The following ABCA13 variants were observed in gnomAD, a reference collection of about 807,000 sequenced individuals.
ABCA13 encodes ATP binding cassette subfamily A member 13.
Under a neutral mutation model 478.7 loss-of-function variants are expected in ABCA13, and 476 were observed. The observed-to-expected ratio is 0.99, with a 90% CI of 0.92 to 1.07. The LOEUF (loss-of-function observed/expected upper bound fraction) is 1.07, where lower values mean the gene tolerates loss of function less well. Among genes scored for constraint, ABCA13 ranks in the 50% least tolerant of loss-of-function variants. The pLI is 0.00. For missense variants in ABCA13, 6,060 were observed against 5,910.6 expected (o/e 1.03, Z -0.83); for synonymous variants, 2,252 against 2,158.9 (o/e 1.04, Z -1.20).
At chr7:48,368,670 T>A (rs1812090195) in intron 32 of ABCA13, among the ~76,000 whole-genome samples, 1 of 121,904 alleles carries the variant, frequency 8.2e-6, no homozygotes, top group African/African-American at 3.1e-5. Context: ...TATCCCATGG[T>A]GTGTGTGTGT....
intron 48 of ABCA13, among the ~76,000 whole-genome samples, chr7:48,489,547 A>G (rs1321115680): frequency 2.6e-5 from 4 of 152,138 alleles, no homozygotes; most frequent in African/African-American, 9.7e-5. Context: ...TATTTTCTTG[A>G]ACCTGTAACC....
At chr7:48,432,631 A>C (rs897720052) in intron 42 of ABCA13, among the ~76,000 whole-genome samples, 1 of 152,192 alleles carries the variant, frequency 6.6e-6, no homozygotes, top group Non-Finnish European at 1.5e-5. Flanking sequence ...GTAGAATACT[A>C]TTCAGTCTTA....
chr7:48,483,928 TG>T (rs1829037243), intron 47 of ABCA13, among the ~76,000 whole-genome samples: 1 of 151,960 alleles, frequency 6.6e-6, no homozygotes, highest in Non-Finnish European at 1.5e-5. Flanking sequence ...GGAGAGTGAG[TG>T]TGAGTTCTTA....
rs141067757 is a variant in ABCA13 at position 48,273,744 on chromosome 7, G to A, written c.4078G>A (p.Asp1360Asn). Reference protein sequence around the residue: ...FQNVTECILEDGFLYVNTSQR... With the variant: ...FQNVTECILENGFLYVNTSQR... ...AAATGTTACTGAGTGTATTTTAGAA[G>A]ATGGCTTTTTATATGTAAATACCTC... Residue 1360 changes from aspartate to asparagine, a missense_variant, in exon 17 of 62, where the codon GAT (aspartate) becomes AAT (asparagine). Around this residue, in one of 3 missense-constraint regions of ABCA13, gnomAD observed 4,423 missense variants for 4,309.1 expected, o/e 1.03. Transcript: ENST00000435803. The A allele has an allele frequency of 1.5e-3, 2,337 of 1,610,400 alleles. 1 individual carries two copies. Among genetic ancestry groups the A allele is most frequent in the Non-Finnish European group, 1.8e-3 (2,080 of 1,178,096 alleles).
intron 48 of ABCA13, among the ~76,000 whole-genome samples, chr7:48,497,622 C>A (rs1830387495): frequency 6.6e-6 from 1 of 152,126 alleles, no homozygotes; most frequent in South Asian, 2.1e-4. Context: ...ATGACACCAC[C>A]CTGGCTAGGC....
At chr7:48,277,577 A>G (rs1421863088) in intron 17 of ABCA13, among the ~76,000 whole-genome samples, 1 of 152,230 alleles carries the variant, frequency 6.6e-6, no homozygotes, top group East Asian at 1.9e-4. Context: ...CATCTATCCT[A>G]GAACTCTCAT....
chr7:48,193,618 G>GTGA (rs1381218142), intron 2 of ABCA13, among the ~76,000 whole-genome samples: 1 of 149,634 alleles, frequency 6.7e-6, no homozygotes, highest in East Asian at 2.1e-4. Flanking sequence ...GATGATGATA[G>GTGA]TGATGATGAT....
chr7:48,293,564 GTATT>G (rs764825496), intron 20 of ABCA13, among the ~76,000 whole-genome samples: 10 of 152,120 alleles, frequency 6.6e-5, no homozygotes, highest in African/African-American at 2.4e-4. Flanking sequence ...GTAAAATAAA[GTATT>G]TATGGTAGAA....
intron 47 of ABCA13, among the ~76,000 whole-genome samples, chr7:48,485,175 T>C (rs1203039336): frequency 5.3e-5 from 8 of 152,230 alleles, no homozygotes. Context: ...CTTTCGTTTT[T>C]TTCATAGTTC....
At chr7:48,465,711 C>T (rs1333102002) in intron 43 of ABCA13, among the ~76,000 whole-genome samples, 2 of 152,038 alleles carry the variant, frequency 1.3e-5, no homozygotes, top group Non-Finnish European at 2.9e-5. Context: ...TTCAAATCTT[C>T]TAGCTGTTTT....
intron 26 of ABCA13, among the ~76,000 whole-genome samples, chr7:48,314,789 C>A (rs2128892260): frequency 1.3e-5 from 2 of 152,258 alleles, no homozygotes; most frequent in South Asian, 4.2e-4. Context: ...TCTGTGGCCA[C>A]CTCCAAATTT....
intron 35 of ABCA13, among the ~76,000 whole-genome samples, chr7:48,378,903 A>G (rs913817880): frequency 2.0e-5 from 3 of 152,218 alleles, no homozygotes; most frequent in African/African-American, 7.2e-5. Context: ...AAAGGGAAGC[A>G]AATGCAGTAG....
At chr7:48,201,338 C>T (rs1798677864) in intron 3 of ABCA13, among the ~76,000 whole-genome samples, 1 of 152,186 alleles carries the variant, frequency 6.6e-6, no homozygotes, top group African/African-American at 2.4e-5. Flanking sequence ...TGTTATCTCC[C>T]TGAGCAACCT....
chr7:48,330,061 CCATCCATCCATCCATT>C (rs1440293248), intron 27 of ABCA13, among the ~76,000 whole-genome samples: 4 of 151,238 alleles, frequency 2.6e-5, no homozygotes, highest in African/African-American at 4.9e-5. Context: ...ATCCATCCAT[CCATCCATCCATCCATT>C]CATCCATCCA....
chr7:48,507,099 C>T (rs1831282134), intron 49 of ABCA13, among the ~76,000 whole-genome samples: 1 of 152,198 alleles, frequency 6.6e-6, no homozygotes, highest in Non-Finnish European at 1.5e-5. Context: ...GCAGCTTGTC[C>T]TCACGTTCAC....
chr7:48,311,044 A>C (rs1349353553), intron 24 of ABCA13, among the ~76,000 whole-genome samples: 2 of 152,282 alleles, frequency 1.3e-5, no homozygotes, highest in African/African-American at 2.4e-5. Flanking sequence ...TCTTGCTCCA[A>C]GTACCATTGT....
intron 29 of ABCA13, among the ~76,000 whole-genome samples, chr7:48,343,115 TA>T: frequency 6.6e-6 from 1 of 152,172 alleles, no homozygotes; most frequent in African/African-American, 2.4e-5. Context: ...TTTTTTTGGT[TA>T]TTTTTCTTGT....
chr7:48,307,493 A>G lies in ABCA13; in HGVS notation c.9322-2454A>G, dbSNP rs950754367. Among the ~76,000 whole-genome samples, 3 of 152,328 alleles carry G rather than the reference A, an allele frequency of 2.0e-5. No homozygotes were observed. The South Asian group carries it at 6.2e-4, about 32-fold the overall frequency. Reference sequence around the variant, plus strand: ...GGGCACTTGGCATGAATAAAGCTACAGGACTGAAGTTGCTCTGGGTGAGTC... The same window carrying G: ...GGGCACTTGGCATGAATAAAGCTACGGGACTGAAGTTGCTCTGGGTGAGTC... On this transcript the variant is annotated intron_variant, in intron 23 of 61. Coordinates refer to ENST00000435803, the MANE Select transcript of ABCA13 (RefSeq NM_152701.5).
chr7:48,245,396 G>C (rs1791512662), intron 11 of ABCA13, 116 bp from the exon 12 acceptor site: 1 of 721,416 alleles, frequency 1.4e-6, no homozygotes, highest in South Asian at 2.5e-5. Context: ...TATAATAATA[G>C]GTCAAGTTTT....
Sources: allele counts gnomAD v4.1 joint callset (sites outside exome capture counted in the v4.1 genomes callset), GRCh38; gene constraint gnomAD v4.1.1; regional missense constraint gnomAD v4.1.1; transcripts MANE v1.5; gene names NCBI Gene and HGNC (gene_info 2026-07-23, HGNC 2026-07-21).